Variants in PREX1 observed in about 807,000 individuals in gnomAD.
PREX1 encodes phosphatidylinositol 3,4,5-trisphosphate-dependent Rac exchanger 1 protein.
Under a neutral mutation model 198.3 loss-of-function variants are expected in PREX1, and 41 were observed. That is an observed-to-expected ratio of 0.21 (90% confidence interval 0.16 to 0.27). PREX1 has a LOEUF of 0.27. Among genes scored for constraint, PREX1 ranks in the 10% least tolerant of loss-of-function variants. PREX1 has a pLI of 1.00. For synonymous variants in PREX1, 843 were observed against 887.2 expected (o/e 0.95, Z 0.89); for missense variants, 1,620 against 2,200.7 (o/e 0.74, Z 5.28).
intron 1 of PREX1, among the ~76,000 whole-genome samples, chr20:48,764,688 G>GT (rs2090199804): frequency 6.6e-6 from 1 of 151,140 alleles, no homozygotes; most frequent in Non-Finnish European, 1.5e-5. Flanking sequence ...AGGCTGAGGC[G>GT]TGAGAATTGC....
intron 5 of PREX1, among the ~76,000 whole-genome samples, chr20:48,717,934 C>T (rs1427722670): frequency 6.6e-6 from 1 of 152,206 alleles, no homozygotes; most frequent in African/African-American, 2.4e-5. Context: ...TAAATGTTAT[C>T]GCCAGCCTCT....
At chr20:48,811,073 G>C (rs1355636010) in intron 1 of PREX1, among the ~76,000 whole-genome samples, 1 of 152,126 alleles carries the variant, frequency 6.6e-6, no homozygotes, top group Non-Finnish European at 1.5e-5. Flanking sequence ...ACCAAACGTT[G>C]CCTGCAGAAG....
At chr20:48,755,737 T>C (rs986889560) in intron 1 of PREX1, among the ~76,000 whole-genome samples, 4 of 152,194 alleles carry the variant, frequency 2.6e-5, no homozygotes, top group Admixed American at 2.6e-4. Context: ...TAAACTTTCA[T>C]CACATTTAAG....
chr20:48,762,169 G>A (rs983785406), intron 1 of PREX1, among the ~76,000 whole-genome samples: 3 of 152,142 alleles, frequency 2.0e-5, no homozygotes, highest in Non-Finnish European at 4.4e-5. Context: ...TCTCCAAGCC[G>A]TTCAGAATTT....
Position 48,657,173 on chromosome 20 carries a change from C to A in PREX1, c.1990G>T (p.Val664Leu), listed in dbSNP as rs1169549200. 11 of 1,613,850 alleles carry A rather than the reference C, an allele frequency of 6.8e-6. No homozygotes were observed. Among genetic ancestry groups the A allele is most frequent in the South Asian group, 1.1e-5 (1 of 90,972 alleles). The stretch of plus-strand genomic sequence containing the variant: ...TTGATGGAGTAGATCTTCCTCCCCA[C>A]CTGCAGGCCAGCCACCTGGGTAGGG... The part of the protein sequence containing the change: ...GSLAEVAGLQ[V>L]GRKIYSINED... The change falls in exon 18 of 40, where the codon GTG becomes TTG. Residue 664 changes from valine (V) to leucine (L), a missense_variant. Physicochemically the swap from Val to Leu is conservative, Grantham distance 32. Transcript: ENST00000371941.
rs191904454 is a variant in PREX1, at chr20:48,641,315, C to T, written c.3775+853G>A. ...ACTGCGGTATAATGATATTTCGTTGCCGTTGTTTGCATTTAATTTATCATT... is the reference window on the plus strand; with the variant it reads ...ACTGCGGTATAATGATATTTCGTTGTCGTTGTTTGCATTTAATTTATCATT... On this transcript the variant is annotated intron_variant, in intron 29 of 39. Coordinates refer to ENST00000371941, the MANE Select transcript of PREX1 (RefSeq NM_020820.4). Among the ~76,000 whole-genome samples, 26 of 152,208 alleles carry T rather than the reference C, an allele frequency of 1.7e-4. No individual in the cohort carries two copies. The East Asian group carries it at 2.9e-3, about 17-fold the overall frequency.
chr20:48,696,624 CATACATACATACAT>C (rs1409931734), intron 7 of PREX1, among the ~76,000 whole-genome samples: 6 of 151,830 alleles, frequency 4.0e-5, no homozygotes, highest in African/African-American at 1.5e-4. Context: ...TACATACATA[CATACATACATACAT>C]ACACACATAC....
chr20:48,681,251 A>T lies in PREX1; in HGVS notation c.1419T>A (p.Asn473Lys), dbSNP rs1184491110. The T allele has an allele frequency of 6.2e-7, 1 of 1,613,988 alleles. No individual in the cohort carries two copies. The highest frequency in any genetic ancestry group is 1.3e-5 in the African/African-American group (1 of 74,920). The change falls in exon 11 of 40, where the codon AAT (asparagine) becomes AAA (lysine). Residue 473 changes from asparagine to lysine, a missense_variant. Around this residue, in one of 7 missense-constraint regions of PREX1, gnomAD observed 488 missense variants for 802.5 expected, o/e 0.61. Coordinates refer to ENST00000371941, the MANE Select transcript of PREX1 (RefSeq NM_020820.4). ...GVNLGQALLE[N>K]GIIHHVSDKH... ...TCCACTCACCATGGTGGATGATGCC[A>T]TTCTCCAACAGGGCTTGGCCCAAGT...
intron 22 of PREX1, 64 bp from the exon 23 acceptor site, chr20:48,651,119 CCA>C (rs1267314618): frequency 2.5e-6 from 4 of 1,574,512 alleles, no homozygotes; most frequent in African/African-American, 1.3e-5. Flanking sequence ...AGCGGTTCAC[CCA>C]CAGTGACTCC....
chr20:48,768,328 A>C (rs2426096), intron 1 of PREX1, among the ~76,000 whole-genome samples: 62,623 of 152,098 alleles, frequency 0.41, 13,204 homozygotes, highest in Admixed American at 0.46. Context: ...CACAACAGAA[A>C]ATGATTCAGT....
intron 3 of PREX1, among the ~76,000 whole-genome samples, chr20:48,736,650 A>T (rs1487746821): frequency 1.3e-5 from 2 of 152,086 alleles, no homozygotes; most frequent in East Asian, 3.8e-4. Flanking sequence ...CGTAGGTAAA[A>T]CCTTGTGAGT....
chr20:48,714,022 C>T (rs541144921), intron 5 of PREX1, among the ~76,000 whole-genome samples: 2 of 152,156 alleles, frequency 1.3e-5, no homozygotes, highest in South Asian at 4.1e-4. Context: ...AATGATGCAA[C>T]TGAATATCCA....
chr20:48,882,417 G>A, the PREX1 span, among the ~76,000 whole-genome samples: 1 of 144,576 alleles, frequency 6.9e-6, no homozygotes, highest in African/African-American at 2.6e-5. Flanking sequence ...CAGGAGAATG[G>A]CGTGAACCCA....
At chr20:48,708,111 G>T in intron 6 of PREX1, 149 bp downstream of exon 6, 2 of 891,294 alleles carry the variant, frequency 2.2e-6, no homozygotes, top group Non-Finnish European at 3.2e-6. Context: ...GGATTTAATT[G>T]AAAAATAATT....
Position 48,726,326 on chromosome 20 carries a change from C to T in PREX1, c.585G>A (p.Pro195=). ...GCGGGTACTTGCAGATCCTCTGGATCGGAGACAACAGGTAGCCTTCCAAAG... is the reference window on the plus strand; with the variant it reads ...GCGGGTACTTGCAGATCCTCTGGATTGGAGACAACAGGTAGCCTTCCAAAG... The part of the protein sequence containing the change: ...DIPLEGYLLS[P]IQRICKYPLL... Residue 195 remains proline, a synonymous_variant, in exon 5 of 40, where the codon CCG becomes CCA. Transcript: ENST00000371941. 3 of 1,613,922 alleles carry T rather than the reference C, an allele frequency of 1.9e-6. No individual in the cohort carries two copies. The highest frequency in any genetic ancestry group is 2.5e-6 in the Non-Finnish European group (3 of 1,179,940).
intron 4 of PREX1, among the ~76,000 whole-genome samples, chr20:48,727,503 G>A (rs570117576): frequency 6.6e-6 from 1 of 152,124 alleles, no homozygotes; most frequent in East Asian, 1.9e-4. Flanking sequence ...CGTAAACACT[G>A]ACCAAGAGCT....
intron 15 of PREX1, among the ~76,000 whole-genome samples, chr20:48,665,851 G>C (rs2089635987): frequency 6.6e-6 from 1 of 152,132 alleles, no homozygotes; most frequent in Non-Finnish European, 1.5e-5. Flanking sequence ...TGAGGGAGGA[G>C]GCCGGGGAAA....
chr20:48,685,149 G>C (rs1265598067), intron 10 of PREX1, among the ~76,000 whole-genome samples: 1 of 152,194 alleles, frequency 6.6e-6, no homozygotes, highest in Non-Finnish European at 1.5e-5. Flanking sequence ...TATGAGGGCA[G>C]GGACTTCATC....
chr20:48,838,587 GA>G, the PREX1 span, among the ~76,000 whole-genome samples: 1 of 151,806 alleles, frequency 6.6e-6, no homozygotes, highest in Middle Eastern at 3.2e-3. Flanking sequence ...TAATAGAATA[GA>G]AAAAAATGCT....
Sources: gnomAD v4.1 joint callset for allele counts (sites outside exome capture counted in the v4.1 genomes callset) on GRCh38, gnomAD v4.1.1 for gene constraint, gnomAD v4.1.1 regional missense constraint, MANE v1.5 for transcripts, NCBI Gene and HGNC (gene_info 2026-07-23, HGNC 2026-07-21) for gene names.